ANKS1B: variants seen among roughly 807,000 people sequenced by gnomAD.
The protein encoded by ANKS1B is ankyrin repeat and sterile alpha motif domain containing 1B, also known as ankyrin repeat and sterile alpha motif domain-containing protein 1B.
Under a neutral mutation model 148.3 loss-of-function variants are expected in ANKS1B, and 36 were observed. The observed-to-expected ratio is 0.24, with a 90% CI of 0.19 to 0.32. The LOEUF is 0.32. Ranked by LOEUF, ANKS1B falls within the 10% of genes least tolerant of loss-of-function variation. ANKS1B has a pLI of 1.00. For synonymous variants in ANKS1B, 542 were observed against 560.8 expected, an observed-to-expected ratio of 0.97 and a Z score of 0.47; for missense variants, 1,157 against 1,542.6, an observed-to-expected ratio of 0.75 and a Z score of 4.19.
intron 8 of ANKS1B, 199 bp downstream of exon 8, chr12:99,772,723 A>C: frequency 4.8e-6 from 2 of 417,868 alleles, no homozygotes; most frequent in Non-Finnish European, 8.4e-6. Context: ...GAGACCATGA[A>C]GTGATCTGTC....
chr12:99,193,865 G>C (rs551681019), intron 14 of ANKS1B, among the ~76,000 whole-genome samples: 1 of 138,104 alleles, frequency 7.2e-6, no homozygotes, highest in African/African-American at 2.7e-5. Context: ...GCAGTGGTGC[G>C]ATCTTGGTTC....
chr12:98,788,837 A>C (rs1303591337), intron 22 of ANKS1B, among the ~76,000 whole-genome samples: 4 of 152,266 alleles, frequency 2.6e-5, no homozygotes, highest in Non-Finnish European at 5.9e-5. Context: ...TTAATTCAGA[A>C]AGAATCTAGT....
chr12:99,282,242 A>G (rs2078559612), intron 12 of ANKS1B, among the ~76,000 whole-genome samples: 1 of 152,216 alleles, frequency 6.6e-6, no homozygotes, highest in Non-Finnish European at 1.5e-5. Context: ...CAGAGGAAAT[A>G]GCAGGTGCGA....
Position 99,712,119 on chromosome 12 carries a change from G to T in ANKS1B, c.1129-56909C>A, listed in dbSNP as rs575951362. Among the ~76,000 whole-genome samples, 3 of 152,242 alleles carry T rather than the reference G, an allele frequency of 2.0e-5. No individual in the cohort carries two copies. The East Asian group carries it at 5.8e-4, about 29-fold the overall frequency. The stretch of plus-strand genomic sequence containing the variant: ...ACAGAAAACCAAACATTGCCTGTTC[G>T]CACTTACAAGTGGGAGCTGAATGAT... On this transcript the variant is annotated intron_variant, in intron 8 of 26. Coordinates refer to ENST00000683438, the MANE Select transcript of ANKS1B (RefSeq NM_001352186.2).
chr12:98,771,064 A>C (rs940014484), intron 25 of ANKS1B, among the ~76,000 whole-genome samples: 2 of 152,190 alleles, frequency 1.3e-5, no homozygotes, highest in South Asian at 4.1e-4. Flanking sequence ...TATTTCCTTT[A>C]ATTGTTTCCA....
chr12:99,691,730 C>G (rs1309737126), intron 8 of ANKS1B, among the ~76,000 whole-genome samples: 1 of 152,202 alleles, frequency 6.6e-6, no homozygotes. Context: ...GCCCTCCAAA[C>G]TGTTCCAACC....
intron 10 of ANKS1B, among the ~76,000 whole-genome samples, chr12:99,494,511 G>C (rs943492600): frequency 1.3e-5 from 2 of 151,846 alleles, no homozygotes; most frequent in African/African-American, 4.8e-5. Context: ...AGGTGGGCGG[G>C]TTACGAGGTC....
chr12:99,069,104 T>C (rs1433492581), intron 16 of ANKS1B, among the ~76,000 whole-genome samples: 1 of 152,214 alleles, frequency 6.6e-6, no homozygotes, highest in East Asian at 1.9e-4. Flanking sequence ...GACAGTCTGA[T>C]TGAATGGATG....
chr12:98,966,895 G>C (rs567930868), intron 17 of ANKS1B, among the ~76,000 whole-genome samples: 2 of 134,012 alleles, frequency 1.5e-5, no homozygotes, highest in African/African-American at 2.7e-5. Flanking sequence ...GTCGTGGGGT[G>C]GGGGGAGGGG....
chr12:99,674,296 A>G (rs2098551901), intron 8 of ANKS1B, among the ~76,000 whole-genome samples: 1 of 151,868 alleles, frequency 6.6e-6, no homozygotes, highest in African/African-American at 2.4e-5. Context: ...GTCATATTTT[A>G]TTATATCTAA....
chr12:98,918,463 C>T (rs942265779), intron 17 of ANKS1B, among the ~76,000 whole-genome samples: 3 of 152,234 alleles, frequency 2.0e-5, no homozygotes, highest in Admixed American at 1.3e-4. Context: ...GATACTCTAA[C>T]CAACGTATGC....
chr12:98,881,222 GCTCAGTC>G (rs1442069172), intron 17 of ANKS1B, among the ~76,000 whole-genome samples: 4 of 152,086 alleles, frequency 2.6e-5, no homozygotes, highest in Non-Finnish European at 4.4e-5. Context: ...CTTATAAATT[GCTCAGTC>G]CTTCAGTCCA....
At chr12:99,019,071 G>A (rs571293805) in intron 17 of ANKS1B, among the ~76,000 whole-genome samples, 1 of 152,326 alleles carries the variant, frequency 6.6e-6, no homozygotes, top group African/African-American at 2.4e-5. Flanking sequence ...ACCTGTGCCT[G>A]TTTTGTCACA....
chr12:98,898,922 C>T (rs1359767033), intron 17 of ANKS1B, among the ~76,000 whole-genome samples: 4 of 152,138 alleles, frequency 2.6e-5, no homozygotes, highest in African/African-American at 9.7e-5. Flanking sequence ...TATTTAAGAG[C>T]AGCCATTTTC....
At position 99,246,625 on chromosome 12, in the gene ANKS1B, G is replaced by A. The variant is rs749819414; in HGVS notation, c.1996C>T (p.Pro666Ser). 6.2e-7 allele frequency: 1 copy of A among 1,613,608 alleles called. No individual in the cohort carries two copies. The highest frequency in any genetic ancestry group is 1.1e-5 in the South Asian group (1 of 91,074). ...AAAATTGTTCTACTGACCACTTTGG[G>A]TTTAATTTTCTTTACCAAAGGTTCT... ...NSEPLVKKIKPKVVSRTIFHK... is the reference protein window; with the variant it reads ...NSEPLVKKIKSKVVSRTIFHK... Residue 666 changes from proline to serine, a missense_variant, in exon 13 of 27, where the codon CCC becomes TCC. Around this residue, in one of 6 missense-constraint regions of ANKS1B, gnomAD observed 661 missense variants for 642.1 expected, o/e 1.03. Transcript: ENST00000683438.
At chr12:99,058,349 T>A (rs943654259) in intron 16 of ANKS1B, among the ~76,000 whole-genome samples, 1 of 148,836 alleles carries the variant, frequency 6.7e-6, no homozygotes, top group African/African-American at 2.5e-5. Context: ...GTTCAAGCAA[T>A]CCTCCCACCT....
chr12:99,799,444 T>C (rs1463288987), intron 4 of ANKS1B, among the ~76,000 whole-genome samples: 1 of 152,102 alleles, frequency 6.6e-6, no homozygotes, highest in African/African-American at 2.4e-5. Context: ...GTTTCCATTA[T>C]AGCACTCACT....
In ANKS1B at chr12:99,266,254, G is replaced by C. The variant is rs2153985481; in HGVS notation, c.1757-19390C>G. Reference sequence around the variant, plus strand: ...GTCATTTTCCAGACAAGGAGACTGAGGCTTACATGGTTTAAGTGAGCTATA... The same window carrying C: ...GTCATTTTCCAGACAAGGAGACTGACGCTTACATGGTTTAAGTGAGCTATA... On this transcript the variant is annotated intron_variant, in intron 12 of 26. Coordinates refer to ENST00000683438, the MANE Select transcript of ANKS1B (RefSeq NM_001352186.2). Among the ~76,000 whole-genome samples the C allele has an allele frequency of 2.0e-5, 3 of 152,262 alleles. No individual in the cohort carries two copies. In the South Asian group the frequency reaches 6.2e-4, roughly 32 times the overall value.
At chr12:99,440,548 C>T (rs2095533399) in intron 11 of ANKS1B, among the ~76,000 whole-genome samples, 1 of 151,556 alleles carries the variant, frequency 6.6e-6, no homozygotes, top group Admixed American at 6.6e-5. Flanking sequence ...GATTGCTTCA[C>T]AATCTAGAGG....
Sources: gnomAD v4.1 joint callset for allele counts (sites outside exome capture counted in the v4.1 genomes callset) on GRCh38, gnomAD v4.1.1 for gene constraint, gnomAD v4.1.1 regional missense constraint, MANE v1.5 for transcripts, NCBI Gene and HGNC (gene_info 2026-07-23, HGNC 2026-07-21) for gene names.